Variants in RFX6 observed in about 807,000 individuals in gnomAD.
RFX6 encodes the protein DNA-binding protein RFX6.
RFX6 carries 50 observed loss-of-function variants against 110.8 expected under a neutral mutation model. The ratio of observed to expected loss-of-function variants is 0.45; its 90% CI spans 0.36 to 0.57. RFX6 has a LOEUF of 0.57. Among genes scored for constraint, RFX6 ranks in the 20% least tolerant of loss-of-function variants. RFX6 has a pLI of 0.00. For missense variants in RFX6, 990 were observed against 1,127.0 expected (o/e 0.88, Z 1.74); for synonymous variants, 383 against 411.2 (o/e 0.93, Z 0.83).
At chr6:116,909,563 A>G (rs1365725814) in intron 6 of RFX6, among the ~76,000 whole-genome samples, 4 of 151,560 alleles carry the variant, frequency 2.6e-5, no homozygotes, top group Admixed American at 6.6e-5. Context: ...ATTAATAAAT[A>G]GAGTGGATTG....
At chr6:116,911,135 C>A in intron 7 of RFX6, 93 bp downstream of exon 7, 2 of 864,674 alleles carry the variant, frequency 2.3e-6, no homozygotes, top group Non-Finnish European at 3.9e-6. Flanking sequence ...AGGAAGCAAT[C>A]AGAAATCTGC....
At position 116,918,983 on chromosome 6, in the gene RFX6, A is replaced by T. The variant is rs547419520; in HGVS notation, c.1023-154A>T. Among the ~76,000 whole-genome samples the T allele has an allele frequency of 5.9e-5, 9 of 152,286 alleles. No individual in the cohort carries two copies. The East Asian group carries it at 1.7e-3, about 29-fold the overall frequency. On this transcript the variant is annotated intron_variant, in intron 10 of 18. Transcript: ENST00000332958. The stretch of plus-strand genomic sequence containing the variant: ...GCACCCACAAACATTTTAAAAATAT[A>T]GCATAAGAAAAGATGATAAATGGCA...
rs1303183108 is a variant in RFX6, at chr6:116,877,941, C to T, written c.369C>T (p.Leu123=). ...IVKDKKKQTQ[L]TLQWLEENYI... is the part of the protein sequence containing the mutation. Reference sequence around the variant, plus strand: ...AGGATAAAAAGAAGCAGACACAGCTCACGCTGCAGTGGTGAGACTCGCCCG... The same window carrying T: ...AGGATAAAAAGAAGCAGACACAGCTTACGCTGCAGTGGTGAGACTCGCCCG... Residue 123 remains leucine (L), a synonymous_variant, in exon 2 of 19, where the codon CTC becomes CTT. Coordinates refer to ENST00000332958, the MANE Select transcript of RFX6 (RefSeq NM_173560.4). The T allele has an allele frequency of 1.2e-6, 2 of 1,613,986 alleles. No individual in the cohort carries two copies. The highest frequency in any genetic ancestry group is 1.3e-5 in the African/African-American group (1 of 74,910).
intron 7 of RFX6, among the ~76,000 whole-genome samples, 153 bp downstream of exon 7, chr6:116,911,195 C>T (rs748294655): frequency 1.1e-4 from 16 of 152,148 alleles, no homozygotes; most frequent in Non-Finnish European, 2.2e-4. Flanking sequence ...CTTTTGTTAA[C>T]ATTGATTAAC....
rs1018809784 is a variant in RFX6 at position 116,924,878 on chromosome 6, T to G, written c.1678+87T>G. 10 of 962,490 alleles carry G rather than the reference T, an allele frequency of 1.0e-5. No individual in the cohort carries two copies. In the Admixed American group the frequency reaches 1.9e-4, roughly 18 times the overall value. 59.6% of individuals were successfully genotyped at this position (962,490 alleles called of 1,614,324 possible). Reference sequence around the variant, plus strand: ...TTATAAGTTCAGATATTAAGTGGGTTTATCATAATCTCAGAGTTTTTCTCC... The same window carrying G: ...TTATAAGTTCAGATATTAAGTGGGTGTATCATAATCTCAGAGTTTTTCTCC... On this transcript the variant is annotated intron_variant, in intron 15 of 18. Transcript: ENST00000332958.
At chr6:116,895,251 T>A (rs190745105) in intron 6 of RFX6, 44 bp downstream of exon 6, 2 of 1,063,134 alleles carry the variant, frequency 1.9e-6, no homozygotes, top group East Asian at 2.4e-5. Context: ...CTATAATATG[T>A]CTTACAAGCT....
intron 2 of RFX6, among the ~76,000 whole-genome samples, chr6:116,878,324 A>G (rs1466407240): frequency 6.6e-6 from 1 of 152,182 alleles, no homozygotes; most frequent in Non-Finnish European, 1.5e-5. Flanking sequence ...ATTCTTAAAA[A>G]CAACTTAAAA....
intron 12 of RFX6, among the ~76,000 whole-genome samples, chr6:116,921,172 G>T (rs1373016970): frequency 6.6e-6 from 1 of 152,050 alleles, no homozygotes; most frequent in African/African-American, 2.4e-5. Flanking sequence ...CTGCTCTCTG[G>T]GGCCCAATCT....
intron 1 of RFX6, 58 bp downstream of exon 1, chr6:116,877,556 G>C: frequency 7.7e-7 from 1 of 1,305,460 alleles, no homozygotes; most frequent in South Asian, 1.4e-5. Flanking sequence ...TCTAAGAAGG[G>C]CACCCAATAA....
intron 14 of RFX6, among the ~76,000 whole-genome samples, chr6:116,923,752 C>A (rs1397919676): frequency 6.6e-6 from 1 of 152,198 alleles, no homozygotes; most frequent in African/African-American, 2.4e-5. Flanking sequence ...TCTGACCCAT[C>A]TTTCCTGTTC....
intron 1 of RFX6, 98 bp from the exon 2 acceptor site, chr6:116,877,698 C>T: frequency 1.6e-6 from 2 of 1,269,128 alleles, no homozygotes; most frequent in Admixed American, 1.9e-5. Context: ...CCGCCCCCAC[C>T]CCAGTAGGCT....
chr6:116,903,485 A>C (rs1382106202), intron 6 of RFX6, among the ~76,000 whole-genome samples: 1 of 151,984 alleles, frequency 6.6e-6, no homozygotes, highest in Non-Finnish European at 1.5e-5. Context: ...TAAAATAATC[A>C]TAATATGAAA....
In RFX6 at chr6:116,931,396, T is replaced by A. The variant is rs764834598; in HGVS notation, c.2677T>A (p.Tyr893Asn). The change falls in exon 19 of 19, where the codon TAT (tyrosine) becomes AAT (asparagine). Residue 893 changes from tyrosine to asparagine, a missense_variant. By Grantham distance (143) the Tyr-to-Asn change is moderately radical. This residue lies in a region of RFX6 where 438 missense variants were observed against 441.9 expected (regional missense o/e 0.99). Coordinates refer to ENST00000332958, the MANE Select transcript of RFX6 (RefSeq NM_173560.4). Reference protein sequence around the residue: ...SQCMYGTSNQYPAQETLDSHG... With the variant: ...SQCMYGTSNQNPAQETLDSHG... ...ATGTATGTATGGAACTTCCAACCAG[T>A]ATCCAGCTCAAGAAACCCTGGACTC... 23 of 1,612,842 alleles carry A rather than the reference T, an allele frequency of 1.4e-5. No homozygotes were observed. Among genetic ancestry groups the A allele is most frequent in the Middle Eastern group, 1.6e-4 (1 of 6,080 alleles).
intron 10 of RFX6, among the ~76,000 whole-genome samples, chr6:116,918,600 G>GAAAA (rs71012344): frequency 7.0e-6 from 1 of 143,546 alleles, no homozygotes; most frequent in Non-Finnish European, 1.5e-5. Flanking sequence ...ATAGAATTCT[G>GAAAA]AAAAAAAAAA....
At chr6:116,911,404 A>T (rs1775348157) in intron 7 of RFX6, among the ~76,000 whole-genome samples, 1 of 152,180 alleles carries the variant, frequency 6.6e-6, no homozygotes, top group East Asian at 1.9e-4. Context: ...GCAAATGGTC[A>T]TCAAGCATTT....
At chr6:116,918,416 A>C (rs1775519767) in intron 10 of RFX6, among the ~76,000 whole-genome samples, 2 of 152,046 alleles carry the variant, frequency 1.3e-5, no homozygotes. Flanking sequence ...AAGAATAAAA[A>C]CTATAGGAGA....
At chr6:116,925,409 G>A (rs1562147945) in intron 15 of RFX6, 44 bp from the exon 16 acceptor site, 2 of 1,428,832 alleles carry the variant, frequency 1.4e-6, no homozygotes, top group East Asian at 2.3e-5. Context: ...TACGAGGAAT[G>A]TGAGAAAAAA....
chr6:116,911,383 A>G (rs1775347331), intron 7 of RFX6, among the ~76,000 whole-genome samples: 1 of 152,116 alleles, frequency 6.6e-6, no homozygotes. Flanking sequence ...AATTATCTCC[A>G]TTTTATTTCA....
intron 6 of RFX6, among the ~76,000 whole-genome samples, chr6:116,899,187 G>A (rs1014871179): frequency 6.6e-6 from 1 of 151,900 alleles, no homozygotes; most frequent in Non-Finnish European, 1.5e-5. Context: ...AAAAAATACA[G>A]GCATAAAAGA....
Sources: allele counts gnomAD v4.1 joint callset (sites outside exome capture counted in the v4.1 genomes callset), GRCh38; gene constraint gnomAD v4.1.1; regional missense constraint gnomAD v4.1.1; transcripts MANE v1.5; gene names NCBI Gene and HGNC (gene_info 2026-07-23, HGNC 2026-07-21).